The following SEPTIN11 variants were observed in gnomAD, a reference collection of about 807,000 sequenced individuals.
SEPTIN11 encodes the protein septin 11.
A neutral mutation model predicts 51.4 loss-of-function variants in SEPTIN11; 25 were observed. The ratio of observed to expected loss-of-function variants is 0.49; its 90% CI spans 0.35 to 0.68. The LOEUF is 0.68. Among genes scored for constraint, SEPTIN11 ranks in the 30% least tolerant of loss-of-function variants. The probability of loss-of-function intolerance (pLI) is 0.00; values close to 1 mark genes in which losing one functional copy is unlikely to be tolerated. For synonymous variants in SEPTIN11, 174 were observed against 184.1 expected, an observed-to-expected ratio of 0.95 and a Z score of 0.44; for missense variants, 381 against 520.8, an observed-to-expected ratio of 0.73 and a Z score of 2.61.
At chr4:77,012,908 T>C (rs1724979651) in intron 4 of SEPTIN11, among the ~76,000 whole-genome samples, 1 of 152,176 alleles carries the variant, frequency 6.6e-6, no homozygotes, top group Non-Finnish European at 1.5e-5. Flanking sequence ...AGAGTACTCT[T>C]CGCAGAATAA....
intron 1 of SEPTIN11, among the ~76,000 whole-genome samples, chr4:76,950,663 A>G (rs1251147583): frequency 1.3e-5 from 2 of 151,436 alleles, no homozygotes; most frequent in Non-Finnish European, 2.9e-5. Flanking sequence ...GGGAGGGAGG[A>G]GAGTAGGAGG....
intron 1 of SEPTIN11, among the ~76,000 whole-genome samples, chr4:76,966,611 C>T (rs937489101): frequency 4.0e-5 from 6 of 151,380 alleles, no homozygotes; most frequent in Admixed American, 2.6e-4. Context: ...CTGTAATTCC[C>T]AGCACTTTGG....
intron 9 of SEPTIN11, among the ~76,000 whole-genome samples, chr4:77,032,907 A>G (rs959375256): frequency 6.6e-6 from 1 of 151,510 alleles, no homozygotes; most frequent in African/African-American, 2.4e-5. Flanking sequence ...TTTTCTTCCT[A>G]TCCTGGGGCC....
At chr4:76,951,211 AGTTCATG>A (rs1382600082) in intron 1 of SEPTIN11, among the ~76,000 whole-genome samples, 1 of 152,122 alleles carries the variant, frequency 6.6e-6, no homozygotes, top group Non-Finnish European at 1.5e-5. Flanking sequence ...CCTCGGGAGA[AGTTCATG>A]GGTCCCTTTG....
chr4:77,036,611 C>T lies in SEPTIN11; in HGVS notation c.*2099C>T, dbSNP rs1216665527. On this transcript the variant is annotated 3_prime_UTR_variant, in exon 10 of 10. Coordinates refer to ENST00000264893, the MANE Select transcript of SEPTIN11 (RefSeq NM_018243.4). ...TTTCCCAGCAAAATAAATCATATGG[C>T]GAGTCAGGGAATAAAAAGTCAAAAG... The T allele has an allele frequency of 2.1e-6, 3 of 1,450,430 alleles. No individual in the cohort carries two copies. Among genetic ancestry groups the T allele is most frequent in the African/African-American group, 2.9e-5 (2 of 68,196 alleles). The allele number at this position is 1,450,430 out of a possible 1,614,324, so 89.8% of individuals were successfully genotyped here.
At chr4:76,952,048 A>C (rs1317346120) in intron 1 of SEPTIN11, among the ~76,000 whole-genome samples, 1 of 152,250 alleles carries the variant, frequency 6.6e-6, no homozygotes, top group Non-Finnish European at 1.5e-5. Flanking sequence ...CTATAAAGTT[A>C]GAAAGTCTAC....
intron 1 of SEPTIN11, among the ~76,000 whole-genome samples, chr4:76,975,228 G>C (rs192964037): frequency 2.0e-4 from 30 of 152,094 alleles, no homozygotes; most frequent in African/African-American, 7.0e-4. Flanking sequence ...GTATCTCTAG[G>C]ACTAAAGAAT....
At chr4:77,029,886 A>T (rs1220570678) in intron 8 of SEPTIN11, among the ~76,000 whole-genome samples, 5 of 152,046 alleles carry the variant, frequency 3.3e-5, no homozygotes, top group Non-Finnish European at 7.4e-5. Context: ...TTTCTAAGTA[A>T]ATGTTTTTTA....
chr4:76,956,456 G>A (rs1209646541), intron 1 of SEPTIN11, among the ~76,000 whole-genome samples: 1 of 152,216 alleles, frequency 6.6e-6, no homozygotes, highest in Non-Finnish European at 1.5e-5. Context: ...TTATGTTGCG[G>A]TAACAAATTG....
Position 77,035,692 on chromosome 4 carries a change from T to G in SEPTIN11, c.*1180T>G, listed in dbSNP as rs1401918797. ...AGTCTCAAATCATTGTCTGGAATTT[T>G]CCTCACCTTGGCTAGCTCCACCTGC... On this transcript the variant is annotated 3_prime_UTR_variant, in exon 10 of 10. Coordinates refer to ENST00000264893, the MANE Select transcript of SEPTIN11 (RefSeq NM_018243.4). 3 of 985,784 alleles carry G rather than the reference T, an allele frequency of 3.0e-6. No individual in the cohort carries two copies. The highest frequency in any genetic ancestry group is 6.1e-5 in the Admixed American group (1 of 16,274). 61.1% of individuals were successfully genotyped at this position (985,784 alleles called of 1,614,324 possible). A position where few individuals can be genotyped will look rare whatever the true frequency, so the allele number is the denominator to read the frequency against.
At chr4:77,013,518 A>G (rs1725016810) in intron 4 of SEPTIN11, among the ~76,000 whole-genome samples, 1 of 152,234 alleles carries the variant, frequency 6.6e-6, no homozygotes. Flanking sequence ...TTAATTAAAT[A>G]CTAAATGTGT....
chr4:77,001,458 T>C (rs891990789), intron 2 of SEPTIN11, among the ~76,000 whole-genome samples: 1 of 152,138 alleles, frequency 6.6e-6, no homozygotes, highest in Admixed American at 6.5e-5. Context: ...CAACGGATTC[T>C]TCTGCCTCAG....
At position 77,036,680 on chromosome 4, in the gene SEPTIN11, A is replaced by G; in HGVS notation, c.*2168A>G. ...TTTTTTAAAAAATGTATTGCTTCTG[A>G]ACTTTTTTCTGCCACTGCTCCCTAG... On this transcript the variant is annotated 3_prime_UTR_variant, in exon 10 of 10. Transcript: ENST00000264893. The G allele has an allele frequency of 6.6e-7, 1 of 1,520,242 alleles. No individual in the cohort carries two copies. The highest frequency in any genetic ancestry group is 8.7e-7 in the Non-Finnish European group (1 of 1,142,916). The allele number at this position is 1,520,242 out of a possible 1,614,324, so 94.2% of individuals were successfully genotyped here.
At position 76,984,579 on chromosome 4, in the gene SEPTIN11, A is replaced by C. The variant is rs1276445794; in HGVS notation, c.28-11846A>C. 6.6e-6 allele frequency among the ~76,000 whole-genome samples: 1 copy of C among 152,242 alleles called. No individual in the cohort carries two copies. The highest frequency in any genetic ancestry group is 2.4e-5 in the African/African-American group (1 of 41,462). On this transcript the variant is annotated intron_variant, in intron 1 of 9. Coordinates refer to ENST00000264893, the MANE Select transcript of SEPTIN11 (RefSeq NM_018243.4). The surrounding 1 kb of genome is among the most constrained non-coding windows in gnomAD (Gnocchi z 4.1). ...ATTTCTCAAACAGGAAATACTGAGG[A>C]ATAGATGTGTGAATATGAGTAGCAC...
chr4:77,033,056 A>G (rs1369331249), intron 9 of SEPTIN11, among the ~76,000 whole-genome samples: 1 of 152,182 alleles, frequency 6.6e-6, no homozygotes, highest in Non-Finnish European at 1.5e-5. Context: ...GCACCTGACA[A>G]TGGCACATAT....
intron 1 of SEPTIN11, chr4:76,959,018 A>AT: frequency 1.3e-6 from 1 of 756,580 alleles, no homozygotes; most frequent in South Asian, 1.3e-5. Flanking sequence ...AAGGAATACC[A>AT]TGTTGGAATA....
At chr4:76,954,690 T>C (rs1171597315) in intron 1 of SEPTIN11, among the ~76,000 whole-genome samples, 3 of 152,360 alleles carry the variant, frequency 2.0e-5, no homozygotes, top group South Asian at 4.1e-4. Context: ...ATCAGGAGTC[T>C]GTTCCCTGAT....
chr4:77,008,606 G>A (rs1724646505), intron 3 of SEPTIN11, among the ~76,000 whole-genome samples: 1 of 152,214 alleles, frequency 6.6e-6, no homozygotes, highest in Non-Finnish European at 1.5e-5. Context: ...TGATCAGTGG[G>A]TAGGTTGGAT....
intron 1 of SEPTIN11, among the ~76,000 whole-genome samples, chr4:76,950,226 T>G (rs1721269492): frequency 6.6e-6 from 1 of 152,072 alleles, no homozygotes; most frequent in Non-Finnish European, 1.5e-5. Flanking sequence ...GCGGCGTGTC[T>G]CAGCCGCCTC....
Sources: gnomAD v4.1 joint callset for allele counts (sites outside exome capture counted in the v4.1 genomes callset) on GRCh38, gnomAD v4.1.1 for gene constraint, Gnocchi (gnomAD v3.1) non-coding constraint, MANE v1.5 for transcripts, NCBI Gene and HGNC (gene_info 2026-07-23, HGNC 2026-07-21) for gene names.